NOX4: variants seen among roughly 807,000 people sequenced by gnomAD.
NOX4 encodes the protein NADPH oxidase 4.
In NOX4, 69 loss-of-function variants were observed where a neutral mutation model predicts 87.6. The ratio of observed to expected loss-of-function variants is 0.79; its 90% CI spans 0.65 to 0.96. The LOEUF is 0.96. NOX4 is among the 40% of genes least tolerant of loss of function. The pLI, the probability that NOX4 is intolerant of heterozygous loss-of-function variation, is 0.00. For missense variants in NOX4, 680 were observed against 681.5 expected, an observed-to-expected ratio of 1.00 and a Z score of 0.02; for synonymous variants, 275 against 238.2, an observed-to-expected ratio of 1.15 and a Z score of -1.42.
intron 7 of NOX4, among the ~76,000 whole-genome samples, chr11:89,424,197 C>T (rs947992640): frequency 6.6e-6 from 1 of 151,708 alleles, no homozygotes; most frequent in Admixed American, 6.6e-5. Context: ...ATATGTTTTG[C>T]TGCAATCGTA....
chr11:89,546,000 T>A, the NOX4 span, among the ~76,000 whole-genome samples: 1 of 152,186 alleles, frequency 6.6e-6, no homozygotes. Context: ...TGGTAAATAT[T>A]AGAGTTAGTC....
chr11:89,583,371 G>T, the NOX4 span, among the ~76,000 whole-genome samples: 3 of 152,100 alleles, frequency 2.0e-5, no homozygotes, highest in African/African-American at 2.4e-5. Flanking sequence ...GACTTTAGAG[G>T]TCAGCAATAA....
At chr11:89,478,803 C>T (rs1471431356) in intron 2 of NOX4, among the ~76,000 whole-genome samples, 2 of 152,094 alleles carry the variant, frequency 1.3e-5, no homozygotes, top group East Asian at 3.9e-4. Context: ...CATTCTTTCA[C>T]TCTTATGTTT....
chr11:89,499,319 G>A (rs1479936760), upstream of NOX4: 1 of 152,104 alleles, frequency 6.6e-6, no homozygotes, highest in Non-Finnish European at 1.5e-5. Flanking sequence ...CATAGTAAGT[G>A]CTCAAAATAT....
At chr11:89,421,769 C>G in intron 8 of NOX4, 133 bp downstream of exon 8, 1 of 537,882 alleles carries the variant, frequency 1.9e-6, no homozygotes, top group South Asian at 2.8e-5. Context: ...TGACGTTATC[C>G]TCAATAGTAG....
chr11:89,470,205 A>T (rs1945870156), intron 2 of NOX4, among the ~76,000 whole-genome samples: 2 of 152,146 alleles, frequency 1.3e-5, no homozygotes, highest in African/African-American at 4.8e-5. Context: ...TATTATCATC[A>T]TCCTAGTGTC....
At chr11:89,399,432 A>AATATATATATATATATATAT (rs1208007737) in intron 11 of NOX4, among the ~76,000 whole-genome samples, 8 of 75,648 alleles carry the variant, frequency 1.1e-4, no homozygotes, top group African/African-American at 1.5e-4. Context: ...CAAGAAATTA[A>AATATATATATATATATATAT]ATATATATAT....
intron 13 of NOX4, among the ~76,000 whole-genome samples, chr11:89,350,932 G>A (rs1185511324): frequency 6.6e-6 from 1 of 152,178 alleles, no homozygotes; most frequent in Non-Finnish European, 1.5e-5. Flanking sequence ...AGTTTCAAGT[G>A]AAAGGAGAGT....
In NOX4 at chr11:89,432,775, G is replaced by A. The variant is rs1258921355; in HGVS notation, c.548+9C>T. The A allele has an allele frequency of 2.5e-6, 4 of 1,588,684 alleles. No homozygotes were observed. The highest frequency in any genetic ancestry group is 3.3e-5 in the Admixed American group (2 of 59,744). ...GATACACATCAAAATAATTGATTCT[G>A]ACACTTACCTTATTGCATATGTAGA... On this transcript the variant is annotated intron_variant, in intron 7 of 17. Coordinates refer to ENST00000263317, the MANE Select transcript of NOX4 (RefSeq NM_016931.5).
At chr11:89,477,277 G>A in intron 2 of NOX4, among the ~76,000 whole-genome samples, 1 of 152,082 alleles carries the variant, frequency 6.6e-6, no homozygotes, top group Non-Finnish European at 1.5e-5. Context: ...TGTTCATAAG[G>A]AGCTTGCAAC....
intron 11 of NOX4, among the ~76,000 whole-genome samples, chr11:89,378,034 C>A (rs1939982040): frequency 6.6e-6 from 1 of 152,156 alleles, no homozygotes; most frequent in African/African-American, 2.4e-5. Flanking sequence ...ATTTCTCTTG[C>A]CAGCATTCAA....
At chr11:89,505,735 A>G in the NOX4 span, among the ~76,000 whole-genome samples, 1 of 151,964 alleles carries the variant, frequency 6.6e-6, no homozygotes, top group African/African-American at 2.4e-5. Context: ...GACTGATATC[A>G]GTTCGATGAA....
the NOX4 span, among the ~76,000 whole-genome samples, chr11:89,523,311 G>A: frequency 6.6e-6 from 1 of 152,058 alleles, no homozygotes; most frequent in African/African-American, 2.4e-5. Flanking sequence ...CGTGAGCTAT[G>A]GTGCCTGGCT....
chr11:89,405,569 GC>G (rs1288306190), intron 8 of NOX4, among the ~76,000 whole-genome samples: 5 of 151,082 alleles, frequency 3.3e-5, no homozygotes, highest in Non-Finnish European at 7.4e-5. Context: ...TGTAACTCTT[GC>G]CACCAAAGAA....
At chr11:89,375,282 A>G (rs1247539393) in intron 11 of NOX4, among the ~76,000 whole-genome samples, 1 of 152,044 alleles carries the variant, frequency 6.6e-6, no homozygotes, top group East Asian at 1.9e-4. Context: ...TCTGTACTTA[A>G]TTGTTTTATT....
chr11:89,424,391 G>C (rs1310960852), intron 7 of NOX4, among the ~76,000 whole-genome samples: 1 of 150,126 alleles, frequency 6.7e-6, no homozygotes, highest in African/African-American at 2.4e-5. Flanking sequence ...TCCAGAAAAA[G>C]TAGATATATC....
the NOX4 span, among the ~76,000 whole-genome samples, chr11:89,511,157 G>A: frequency 2.9e-4 from 44 of 152,036 alleles, no homozygotes; most frequent in African/African-American, 9.9e-4. Context: ...GGAGTACAAT[G>A]TGATGTTTTG....
chr11:89,491,463 AC>A, upstream of NOX4: 1 of 527,538 alleles, frequency 1.9e-6, no homozygotes, highest in South Asian at 2.5e-5. Context: ...TCCCACCCGC[AC>A]CGGGTCAGCT....
intron 2 of NOX4, among the ~76,000 whole-genome samples, chr11:89,473,503 C>A (rs1000443519): frequency 6.6e-6 from 1 of 151,602 alleles, no homozygotes; most frequent in Non-Finnish European, 1.5e-5. Flanking sequence ...GACAATGATA[C>A]CTCTTCATTT....
Sources: allele counts gnomAD v4.1 joint callset (sites outside exome capture counted in the v4.1 genomes callset), GRCh38; gene constraint gnomAD v4.1.1; transcripts MANE v1.5; gene names NCBI Gene and HGNC (gene_info 2026-07-23, HGNC 2026-07-21).